Variants in LRMDA observed in about 807,000 individuals in gnomAD.
LRMDA encodes leucine-rich melanocyte differentiation-associated protein.
A neutral mutation model predicts 29.8 loss-of-function variants in LRMDA; 18 were observed. The observed-to-expected ratio is 0.60, with a 90% confidence interval of 0.42 to 0.90. The LOEUF is 0.90. LRMDA is among the 40% of genes least tolerant of loss of function. The pLI is 0.00. For missense variants in LRMDA, 273 were observed against 273.9 expected (o/e 1.00, Z 0.02); for synonymous variants, 125 against 109.4 (o/e 1.14, Z -0.89).
chr10:75,948,655 A>G (rs1172044143), intron 2 of LRMDA, among the ~76,000 whole-genome samples: 1 of 152,114 alleles, frequency 6.6e-6, no homozygotes, highest in East Asian at 1.9e-4. Context: ...TTTGGTTTCT[A>G]CTGTACTTAC....
chr10:75,650,757 G>T (rs933680309), intron 2 of LRMDA, among the ~76,000 whole-genome samples: 1 of 152,150 alleles, frequency 6.6e-6, no homozygotes, highest in Non-Finnish European at 1.5e-5. Context: ...CAGATTTCTG[G>T]TGAGTGTGAG....
intron 6 of LRMDA, among the ~76,000 whole-genome samples, chr10:76,467,390 G>C (rs1234771167): frequency 6.6e-6 from 1 of 152,180 alleles, no homozygotes; most frequent in Non-Finnish European, 1.5e-5. Flanking sequence ...CCCAGCTGGT[G>C]GAAACGCCAT....
rs1843577149 is a variant in LRMDA at position 76,557,819 on chromosome 10, A to G, written c.*531A>G. The G allele has an allele frequency of 6.5e-6, 1 of 153,050 alleles. No homozygotes were observed. Among genetic ancestry groups the G allele is most frequent in the African/African-American group, 2.4e-5 (1 of 41,450 alleles). 9.5% of individuals were successfully genotyped at this position (153,050 alleles called of 1,614,324 possible). The stretch of plus-strand genomic sequence containing the variant: ...TCTTAACGTCCTGTATTCTGCATAT[A>G]CATAGCTCCCGTCTCTTCCCCTCCA... On this transcript the variant is annotated 3_prime_UTR_variant, in exon 7 of 7. Transcript: ENST00000611255.
intron 2 of LRMDA, among the ~76,000 whole-genome samples, chr10:75,714,504 C>T (rs1439792129): frequency 6.6e-6 from 1 of 152,188 alleles, no homozygotes; most frequent in Non-Finnish European, 1.5e-5. Context: ...ATTAAGTTTA[C>T]TAAAGCTGGC....
Position 76,391,520 on chromosome 10 carries a change from C to T in LRMDA, c.601+67035C>T, listed in dbSNP as rs556369744. 9.8e-5 allele frequency among the ~76,000 whole-genome samples: 15 copies of T among 152,310 alleles called. No homozygotes were observed. The East Asian group carries it at 2.7e-3, about 27-fold the overall frequency. Reference sequence around the variant, plus strand: ...GTAATAGAGACCAAACTGCAATTTTCTGACCTGCCAAGATCCATTATGTCT... The same window carrying T: ...GTAATAGAGACCAAACTGCAATTTTTTGACCTGCCAAGATCCATTATGTCT... On this transcript the variant is annotated intron_variant, in intron 6 of 6. Transcript: ENST00000611255.
chr10:76,039,075 G>T (rs546801645), intron 3 of LRMDA, among the ~76,000 whole-genome samples: 21 of 152,262 alleles, frequency 1.4e-4, no homozygotes, highest in Admixed American at 1.2e-3. Flanking sequence ...TATTCTAACA[G>T]CACAAGCCCC....
At chr10:76,087,643 C>T (rs1476626988) in intron 5 of LRMDA, among the ~76,000 whole-genome samples, 1 of 151,958 alleles carries the variant, frequency 6.6e-6, no homozygotes. Flanking sequence ...GTACTGTGTT[C>T]AATATTGGAA....
intron 5 of LRMDA, among the ~76,000 whole-genome samples, chr10:76,288,332 C>A (rs955214754): frequency 6.6e-6 from 1 of 152,110 alleles, no homozygotes; most frequent in African/African-American, 2.4e-5. Flanking sequence ...AAGACACATG[C>A]ACGTGTGTGT....
chr10:75,614,541 G>T (rs1841075175), intron 2 of LRMDA, among the ~76,000 whole-genome samples: 1 of 152,114 alleles, frequency 6.6e-6, no homozygotes. Context: ...CTCTCATTCT[G>T]CCTCCAGAAT....
intron 6 of LRMDA, among the ~76,000 whole-genome samples, chr10:76,346,806 CT>C (rs2132426924): frequency 6.6e-6 from 1 of 152,262 alleles, no homozygotes; most frequent in South Asian, 2.1e-4. Context: ...AATAAGTGTC[CT>C]CCATGAGACG....
chr10:75,993,906 A>G (rs74590867), intron 2 of LRMDA, among the ~76,000 whole-genome samples: 390 of 152,022 alleles, frequency 2.6e-3, no homozygotes, highest in Non-Finnish European at 4.5e-3. Context: ...CTTCTTGGAG[A>G]TTGTTTTCTT....
Position 75,568,153 on chromosome 10 carries a change from T to C in LRMDA, c.131+129659T>C, listed in dbSNP as rs573349675. ...TGTGAAGAGCTTACTGGGTAGCTTT[T>C]GAGGTCCTTTTCAACCCAGCTTCAC... On this transcript the variant is annotated intron_variant, in intron 2 of 6. Coordinates refer to ENST00000611255, the MANE Select transcript of LRMDA (RefSeq NM_001305581.2). Among the ~76,000 whole-genome samples, 5 of 152,360 alleles carry C rather than the reference T, an allele frequency of 3.3e-5. No individual in the cohort carries two copies. In the South Asian group the frequency reaches 1.0e-3, roughly 32 times the overall value.
intron 2 of LRMDA, among the ~76,000 whole-genome samples, chr10:75,785,306 C>G (rs773515464): frequency 6.6e-6 from 1 of 151,658 alleles, no homozygotes; most frequent in Non-Finnish European, 1.5e-5. Flanking sequence ...TCCAGATAAA[C>G]CTTCACCAAA....
At position 76,218,901 on chromosome 10, in the gene LRMDA, T is replaced by C. The variant is rs1413801014; in HGVS notation, c.517-105500T>C. 2.0e-5 allele frequency among the ~76,000 whole-genome samples: 3 copies of C among 152,308 alleles called. No individual in the cohort carries two copies. In the East Asian group the frequency reaches 5.8e-4, roughly 29 times the overall value. ...GTCCCATGGGGAGCAGCCAGTGTGA[T>C]AGCAGAGGAGGTGCACAGCCTGTCC... On this transcript the variant is annotated intron_variant, in intron 5 of 6. Coordinates refer to ENST00000611255, the MANE Select transcript of LRMDA (RefSeq NM_001305581.2).
intron 2 of LRMDA, among the ~76,000 whole-genome samples, chr10:75,536,999 T>G (rs1003907706): frequency 2.6e-5 from 4 of 152,168 alleles, no homozygotes; most frequent in African/African-American, 9.7e-5. Context: ...TACTGGTGGT[T>G]GGTAATTAGA....
Position 76,330,755 on chromosome 10 carries a change from T to G in LRMDA, c.601+6270T>G, listed in dbSNP as rs149772520. Among the ~76,000 whole-genome samples, 254 of 152,340 alleles carry G rather than the reference T, an allele frequency of 1.7e-3. 3 individuals are homozygous for G. Among genetic ancestry groups the G allele is most frequent in the East Asian group, 0.014 (74 of 5,176 alleles). ...GTTTTGAGCCCTGTCAGAGGCAGTA[T>G]GTCTCTTTTAGCCAACTTTTAGTTT... On this transcript the variant is annotated intron_variant, in intron 6 of 6. Transcript: ENST00000611255.
At chr10:76,526,230 A>G (rs1674793971) in intron 6 of LRMDA, among the ~76,000 whole-genome samples, 1 of 152,204 alleles carries the variant, frequency 6.6e-6, no homozygotes, top group African/African-American at 2.4e-5. Flanking sequence ...CATAGGCATT[A>G]ATTTCTTCAC....
chr10:76,197,581 A>G lies in LRMDA; in HGVS notation c.517-126820A>G, dbSNP rs76826495. 3.2e-4 allele frequency among the ~76,000 whole-genome samples: 48 copies of G among 152,264 alleles called. No individual in the cohort carries two copies. In the East Asian group the frequency reaches 6.6e-3, roughly 21 times the overall value. On this transcript the variant is annotated intron_variant, in intron 5 of 6. Coordinates refer to ENST00000611255, the MANE Select transcript of LRMDA (RefSeq NM_001305581.2). ...CCGTGGATATGGCTAAACATCCTACAATGCACAGGGCAGCCCTTCCACAAT... is the reference window on the plus strand; with the variant it reads ...CCGTGGATATGGCTAAACATCCTACGATGCACAGGGCAGCCCTTCCACAAT...
At chr10:76,285,912 T>C (rs1370734614) in intron 5 of LRMDA, among the ~76,000 whole-genome samples, 1 of 152,224 alleles carries the variant, frequency 6.6e-6, no homozygotes, top group Non-Finnish European at 1.5e-5. Flanking sequence ...TAAATTCATA[T>C]TATTAAACTA....
Sources: gnomAD v4.1 joint callset for allele counts (sites outside exome capture counted in the v4.1 genomes callset) on GRCh38, gnomAD v4.1.1 for gene constraint, MANE v1.5 for transcripts, NCBI Gene and HGNC (gene_info 2026-07-23, HGNC 2026-07-21) for gene names.